ZNF804B: variants seen among roughly 807,000 people sequenced by gnomAD.
ZNF804B encodes the protein zinc finger protein 804B.
In ZNF804B, 80 loss-of-function variants were observed where a neutral mutation model predicts 101.4. The ratio of observed to expected loss-of-function variants is 0.79; its 90% CI spans 0.66 to 0.95. ZNF804B has a LOEUF of 0.95. Among genes scored for constraint, ZNF804B ranks in the 40% least tolerant of loss-of-function variants. ZNF804B has a pLI of 0.00. For synonymous variants in ZNF804B, 622 were observed against 558.8 expected, an observed-to-expected ratio of 1.11 and a Z score of -1.59; for missense variants, 1,673 against 1,561.9, an observed-to-expected ratio of 1.07 and a Z score of -1.20.
At chr7:89,220,827 A>C (rs986468036) in intron 2 of ZNF804B, among the ~76,000 whole-genome samples, 8 of 151,944 alleles carry the variant, frequency 5.3e-5, no homozygotes, top group Non-Finnish European at 5.9e-5. Flanking sequence ...ATTTTAATCT[A>C]TAGGTTTTTC....
chr7:88,854,476 T>TTTCTTTCCCTTTCCTTTCCTTTCCTTTC (rs1554340148), intron 1 of ZNF804B, among the ~76,000 whole-genome samples: 1 of 48,718 alleles, frequency 2.1e-5, no homozygotes, highest in African/African-American at 1.1e-4. Context: ...TCTTTCTTTC[T>TTTCTTTCCCTTTCCTTTCCTTTCCTTTC]CTTTCCTTTC....
intron 1 of ZNF804B, among the ~76,000 whole-genome samples, chr7:89,022,569 T>G (rs1304710689): frequency 6.6e-6 from 1 of 152,220 alleles, no homozygotes; most frequent in African/African-American, 2.4e-5. Context: ...TCTGAAGGAT[T>G]ACTAAAGGGC....
At chr7:88,875,293 A>T (rs2115891356) in intron 1 of ZNF804B, among the ~76,000 whole-genome samples, 1 of 151,824 alleles carries the variant, frequency 6.6e-6, no homozygotes, top group East Asian at 1.9e-4. Flanking sequence ...AGCTGAAGGC[A>T]AGAAATAACT....
At chr7:89,263,492 A>T (rs1449125002) in intron 2 of ZNF804B, among the ~76,000 whole-genome samples, 1 of 152,148 alleles carries the variant, frequency 6.6e-6, no homozygotes, top group Non-Finnish European at 1.5e-5. Context: ...GCAGAAGGAG[A>T]AAATTGCCTA....
chr7:89,260,734 G>A (rs1224591227), intron 2 of ZNF804B, among the ~76,000 whole-genome samples: 1 of 152,142 alleles, frequency 6.6e-6, no homozygotes. Context: ...TAACTGCAAT[G>A]ACAACTTCAT....
chr7:89,196,840 A>G (rs1409105098), intron 1 of ZNF804B, among the ~76,000 whole-genome samples: 1 of 152,048 alleles, frequency 6.6e-6, no homozygotes, highest in Non-Finnish European at 1.5e-5. Context: ...AATAAGACAT[A>G]TGTACGATCA....
intron 2 of ZNF804B, among the ~76,000 whole-genome samples, chr7:89,281,563 A>G (rs1790094752): frequency 6.6e-6 from 1 of 152,220 alleles, no homozygotes; most frequent in Non-Finnish European, 1.5e-5. Context: ...TATGATGTTT[A>G]TAAGCCTAGA....
chr7:89,295,333 G>A (rs557381282), intron 2 of ZNF804B, among the ~76,000 whole-genome samples: 9 of 152,200 alleles, frequency 5.9e-5, no homozygotes, highest in African/African-American at 1.9e-4. Context: ...TGCTCAAAAT[G>A]CAATTCTGCA....
intron 1 of ZNF804B, among the ~76,000 whole-genome samples, chr7:88,812,738 G>A (rs958770238): frequency 6.6e-6 from 1 of 152,066 alleles, no homozygotes; most frequent in African/African-American, 2.4e-5. Flanking sequence ...AGGAAATCCT[G>A]TCACACACTA....
At chr7:89,167,506 A>G (rs1249025497) in intron 1 of ZNF804B, among the ~76,000 whole-genome samples, 1 of 149,922 alleles carries the variant, frequency 6.7e-6, no homozygotes, top group Non-Finnish European at 1.5e-5. Context: ...AGTTCAAACT[A>G]GTGTTGTTCA....
intron 1 of ZNF804B, among the ~76,000 whole-genome samples, chr7:89,194,120 A>G (rs1319931356): frequency 1.3e-5 from 2 of 151,726 alleles, no homozygotes; most frequent in Admixed American, 6.6e-5. Context: ...TCTTTTCAGA[A>G]GTGTCTGTTC....
At chr7:89,016,125 T>G (rs1173798275) in intron 1 of ZNF804B, among the ~76,000 whole-genome samples, 3 of 152,084 alleles carry the variant, frequency 2.0e-5, no homozygotes, top group Non-Finnish European at 4.4e-5. Context: ...TTTGGCTGCA[T>G]AAATGTCTTC....
chr7:88,784,772 T>C (rs1304006956), intron 1 of ZNF804B, among the ~76,000 whole-genome samples: 1 of 152,162 alleles, frequency 6.6e-6, no homozygotes, highest in East Asian at 1.9e-4. Flanking sequence ...TTAAACTTAC[T>C]TTTACATTTC....
intron 1 of ZNF804B, among the ~76,000 whole-genome samples, chr7:88,976,456 A>AT (rs1033220047): frequency 7.3e-5 from 11 of 151,020 alleles, no homozygotes; most frequent in African/African-American, 2.7e-4. Context: ...CAATGTAGAG[A>AT]TTTTTTTGGT....
intron 1 of ZNF804B, among the ~76,000 whole-genome samples, chr7:88,899,389 C>A (rs1164601821): frequency 6.6e-6 from 1 of 152,138 alleles, no homozygotes; most frequent in African/African-American, 2.4e-5. Flanking sequence ...CAAATATGGA[C>A]AATAAATAGG....
At chr7:88,865,371 A>G (rs904438952) in intron 1 of ZNF804B, among the ~76,000 whole-genome samples, 1 of 152,018 alleles carries the variant, frequency 6.6e-6, no homozygotes, top group Non-Finnish European at 1.5e-5. Flanking sequence ...GTCTCTACAG[A>G]AAGTAAAAAA....
intron 1 of ZNF804B, among the ~76,000 whole-genome samples, chr7:89,136,769 G>A (rs62461866): frequency 0.12 from 17,577 of 150,180 alleles, 1,288 homozygotes; most frequent in Non-Finnish European, 0.15. Flanking sequence ...GTGTGTGCGC[G>A]CACGTGTGTG....
At chr7:89,331,549 A>G (rs529242363) in intron 3 of ZNF804B, among the ~76,000 whole-genome samples, 4 of 151,844 alleles carry the variant, frequency 2.6e-5, no homozygotes, top group Non-Finnish European at 4.4e-5. Context: ...GTCTAAATTT[A>G]GTTTTTTACA....
In ZNF804B at chr7:88,914,252, C is replaced by T. The variant is rs578239386; in HGVS notation, c.108+154168C>T. On this transcript the variant is annotated intron_variant, in intron 1 of 3. Transcript: ENST00000333190. ...TGGAAAATTTGTCTTGAATTTAGCC[C>T]GTAAAGGGTAATCTAAAATGGCTTA... 3.9e-5 allele frequency among the ~76,000 whole-genome samples: 6 copies of T among 152,120 alleles called. No homozygotes were observed. In the East Asian group the frequency reaches 7.7e-4, roughly 20 times the overall value.
Sources: gnomAD v4.1 joint callset for allele counts (sites outside exome capture counted in the v4.1 genomes callset) on GRCh38, gnomAD v4.1.1 for gene constraint, MANE v1.5 for transcripts, NCBI Gene and HGNC (gene_info 2026-07-23, HGNC 2026-07-21) for gene names.